ANK2: variants seen among roughly 807,000 people sequenced by gnomAD.
ANK2 encodes ankyrin 2, also known as ankyrin-2.
In ANK2, 83 loss-of-function variants were observed where a neutral mutation model predicts 360.5. The observed-to-expected ratio is 0.23, with a 90% CI of 0.19 to 0.28. ANK2 has a LOEUF of 0.28. Ranked by LOEUF, ANK2 falls within the 10% of genes least tolerant of loss-of-function variation. ANK2 has a pLI of 1.00. For missense variants in ANK2, 4,201 were observed against 4,795.7 expected, an observed-to-expected ratio of 0.88 and a Z score of 3.66; for synonymous variants, 1,740 against 1,759.5, an observed-to-expected ratio of 0.99 and a Z score of 0.28.
At chr4:112,909,602 T>C (rs1478842416) in intron 2 of ANK2, among the ~76,000 whole-genome samples, 1 of 152,216 alleles carries the variant, frequency 6.6e-6, no homozygotes, top group Non-Finnish European at 1.5e-5. Context: ...AACTCTTTTC[T>C]GTCCTTATAT....
intron 28 of ANK2, 46 bp from the exon 29 acceptor site, chr4:113,333,008 T>A (rs2092817291): frequency 6.2e-7 from 1 of 1,613,430 alleles, no homozygotes; most frequent in Non-Finnish European, 8.5e-7. Flanking sequence ...TGTCTTGCTG[T>A]TAGTTAGCTC....
At position 113,343,478 on chromosome 4, in the gene ANK2, G is replaced by A. The variant is rs555180718; in HGVS notation, c.4248+336G>A. ...TTTATGCTTAGATTTAAAAATACAC[G>A]TGAACTTCACAAGTGTGGAGATCAA... On this transcript the variant is annotated intron_variant, in intron 34 of 45. Transcript: ENST00000357077. 3.0e-4 allele frequency among the ~76,000 whole-genome samples: 46 copies of A among 152,288 alleles called. No individual in the cohort carries two copies. The South Asian group carries it at 7.7e-3, about 25-fold the overall frequency.
At chr4:112,817,479 T>C (rs1349930998), upstream of ANK2, among the ~76,000 whole-genome samples, 2 of 152,206 alleles carry the variant, frequency 1.3e-5, no homozygotes, top group Non-Finnish European at 2.9e-5. Flanking sequence ...TACATCTATT[T>C]CTGTTGGACT....
the ANK2 span, among the ~76,000 whole-genome samples, chr4:112,728,815 G>A: frequency 6.6e-6 from 1 of 152,140 alleles, no homozygotes; most frequent in African/African-American, 2.4e-5. Context: ...TTGATAATGA[G>A]TAAGGAGATT....
chr4:113,018,276 T>C (rs1022229817), intron 2 of ANK2, among the ~76,000 whole-genome samples: 4 of 152,142 alleles, frequency 2.6e-5, no homozygotes, highest in Non-Finnish European at 5.9e-5. Flanking sequence ...TGAAATTAAG[T>C]CTATCATGGA....
At chr4:112,948,570 A>ACCTC (rs1426531314) in intron 2 of ANK2, among the ~76,000 whole-genome samples, 1 of 152,112 alleles carries the variant, frequency 6.6e-6, no homozygotes, top group Non-Finnish European at 1.5e-5. Context: ...GCACACAGAA[A>ACCTC]ACTTTTTATT....
rs1488016382 is a variant in ANK2 at position 113,381,316 on chromosome 4, T to A, written c.11860-141T>A. The stretch of plus-strand genomic sequence containing the variant: ...AAAGAAAGACACAAAAAGATGTCTA[T>A]AGTTTGTTATGCTAATAGTTTGCTG... On this transcript the variant is annotated intron_variant, in intron 45 of 45. Coordinates refer to ENST00000357077, the MANE Select transcript of ANK2 (RefSeq NM_001148.6). 4.7e-6 allele frequency: 4 copies of A among 859,246 alleles called. No individual in the cohort carries two copies. The African/African-American group carries it at 6.7e-5, about 14-fold the overall frequency. The allele number at this position is 859,246 out of a possible 1,614,324, so 53.2% of individuals were successfully genotyped here. A position where few individuals can be genotyped will look rare whatever the true frequency, so the allele number is the denominator to read the frequency against.
At chr4:113,226,386 G>C (rs187798749) in intron 4 of ANK2, among the ~76,000 whole-genome samples, 2 of 152,260 alleles carry the variant, frequency 1.3e-5, no homozygotes, top group African/African-American at 4.8e-5. Flanking sequence ...TATGTCCTGT[G>C]TTGTCTCATT....
the ANK2 span, among the ~76,000 whole-genome samples, chr4:112,749,139 A>G: frequency 1.3e-5 from 2 of 152,162 alleles, no homozygotes; most frequent in Non-Finnish European, 2.9e-5. Flanking sequence ...ACCTCAGGTG[A>G]TCCACCCGCC....
intron 1 of ANK2, among the ~76,000 whole-genome samples, chr4:113,103,064 C>G (rs2093133867): frequency 6.6e-6 from 1 of 151,636 alleles, no homozygotes; most frequent in Non-Finnish European, 1.5e-5. Flanking sequence ...ATTTCATTTA[C>G]TTAGAAAAAC....
intron 1 of ANK2, among the ~76,000 whole-genome samples, chr4:112,890,311 G>C (rs1166566735): frequency 6.6e-6 from 1 of 152,078 alleles, no homozygotes; most frequent in African/African-American, 2.4e-5. Flanking sequence ...TTGAAACTTG[G>C]CTCCTCAGTC....
At chr4:112,996,894 C>T (rs2048726402) in intron 2 of ANK2, among the ~76,000 whole-genome samples, 1 of 152,050 alleles carries the variant, frequency 6.6e-6, no homozygotes, top group South Asian at 2.1e-4. Flanking sequence ...CCCCGATCCC[C>T]AGCCCCCTAC....
At chr4:113,004,018 G>C (rs1183445831) in intron 2 of ANK2, among the ~76,000 whole-genome samples, 2 of 152,166 alleles carry the variant, frequency 1.3e-5, no homozygotes, top group East Asian at 3.8e-4. Context: ...TCGGTATAGG[G>C]CACTAACCAT....
At chr4:112,742,653 T>C in the ANK2 span, among the ~76,000 whole-genome samples, 1 of 152,066 alleles carries the variant, frequency 6.6e-6, no homozygotes, top group African/African-American at 2.4e-5. Context: ...TAAAATGAAA[T>C]GCCAGATAAT....
chr4:112,775,744 C>T, the ANK2 span, among the ~76,000 whole-genome samples: 15 of 152,122 alleles, frequency 9.9e-5, no homozygotes, highest in East Asian at 2.7e-3. Context: ...ACCAACCTAG[C>T]GGACATGAGA....
intron 2 of ANK2, among the ~76,000 whole-genome samples, chr4:112,907,694 A>G (rs1034558391): frequency 2.0e-5 from 3 of 152,228 alleles, no homozygotes; most frequent in Non-Finnish European, 4.4e-5. Context: ...TAGGCAGGTT[A>G]GTATCTACTT....
chr4:113,305,358 A>C (rs1292188147), intron 23 of ANK2, among the ~76,000 whole-genome samples: 1 of 151,290 alleles, frequency 6.6e-6, no homozygotes, highest in Non-Finnish European at 1.5e-5. Context: ...AAAAAAAAAA[A>C]ATAGCCTCTC....
At chr4:112,957,440 C>A (rs956271494) in intron 2 of ANK2, among the ~76,000 whole-genome samples, 2 of 152,230 alleles carry the variant, frequency 1.3e-5, no homozygotes, top group African/African-American at 4.8e-5. Context: ...AGCAACCATC[C>A]GATTTCTCAA....
intron 2 of ANK2, among the ~76,000 whole-genome samples, chr4:113,185,684 C>A (rs1369776517): frequency 6.6e-6 from 1 of 152,166 alleles, no homozygotes; most frequent in Non-Finnish European, 1.5e-5. Flanking sequence ...ATGAAAGTTT[C>A]TTTCACTGTG....
Sources: allele counts gnomAD v4.1 joint callset (sites outside exome capture counted in the v4.1 genomes callset), GRCh38; gene constraint gnomAD v4.1.1; transcripts MANE v1.5; gene names NCBI Gene and HGNC (gene_info 2026-07-23, HGNC 2026-07-21).